The following CLUAP1 variants were observed in gnomAD, a reference collection of about 807,000 sequenced individuals.
The protein encoded by CLUAP1 is clusterin-associated protein 1.
A neutral mutation model predicts 55.0 loss-of-function variants in CLUAP1; 50 were observed. The ratio of observed to expected loss-of-function variants is 0.91; its 90% CI spans 0.72 to 1.15. The LOEUF is 1.15. Ranked by LOEUF, CLUAP1 falls within the 50% of genes most tolerant of loss-of-function variation. The probability of loss-of-function intolerance (pLI) is 0.00; values close to 1 mark genes in which losing one functional copy is unlikely to be tolerated. For synonymous variants in CLUAP1, 195 were observed against 175.4 expected (o/e 1.11, Z -0.88); for missense variants, 530 against 507.6 (o/e 1.04, Z -0.42).
intron 10 of CLUAP1, 101 bp from the exon 11 acceptor site, chr16:3,532,685 G>A (rs563284097): frequency 3.6e-5 from 46 of 1,262,746 alleles, no homozygotes; most frequent in East Asian, 1.2e-4. Flanking sequence ...GGGATTATAC[G>A]CAAAAGCCAA....
intron 4 of CLUAP1, among the ~76,000 whole-genome samples, chr16:3,508,868 G>T (rs999841456): frequency 3.3e-5 from 5 of 150,462 alleles, no homozygotes; most frequent in Non-Finnish European, 5.9e-5. Flanking sequence ...GATCAGGAAG[G>T]CCTCATGGAT....
chr16:3,522,501 A>C (rs1334203254), intron 7 of CLUAP1, among the ~76,000 whole-genome samples: 1 of 152,042 alleles, frequency 6.6e-6, no homozygotes, highest in Non-Finnish European at 1.5e-5. Context: ...ATAATAATAT[A>C]TATATTTATT....
the CLUAP1 span, chr16:3,495,646 A>C: frequency 2.0e-6 from 1 of 508,690 alleles, no homozygotes; most frequent in African/African-American, 2.1e-5. Flanking sequence ...CCCTGGGGGA[A>C]GTCCCTGGTC....
At chr16:3,520,130 C>A (rs535874380) in intron 7 of CLUAP1, 94 bp downstream of exon 7, 43 of 1,269,608 alleles carry the variant, frequency 3.4e-5, no homozygotes, top group Admixed American at 2.8e-4. Flanking sequence ...CTCAGCTACT[C>A]ATGAAGCTGG....
intron 3 of CLUAP1, among the ~76,000 whole-genome samples, chr16:3,507,888 G>T (rs1295815054): frequency 6.6e-6 from 1 of 152,032 alleles, no homozygotes; most frequent in East Asian, 1.9e-4. Context: ...CGCCTGAGTG[G>T]TATTGCTTGC....
intron 4 of CLUAP1, among the ~76,000 whole-genome samples, 193 bp from the exon 5 acceptor site, chr16:3,512,186 CAAAA>C (rs1210287851): frequency 2.5e-5 from 2 of 79,888 alleles, no homozygotes; most frequent in African/African-American, 4.3e-5. Context: ...AACTCCGTCT[CAAAA>C]AAAAAAAAAA....
At chr16:3,508,522 C>G in intron 4 of CLUAP1, 54 bp downstream of exon 4, 1 of 1,460,762 alleles carries the variant, frequency 6.8e-7, no homozygotes, top group Non-Finnish European at 9.1e-7. Context: ...TTCTTGAGCT[C>G]TGAAGTGGAA....
At chr16:3,535,262 A>C (rs2038207493) in intron 11 of CLUAP1, 1 of 152,892 alleles carries the variant, frequency 6.5e-6, no homozygotes, top group Non-Finnish European at 1.5e-5. Flanking sequence ...GGGGAACTGA[A>C]GCAGTCGTGA....
At chr16:3,511,409 A>C (rs1360984855) in intron 4 of CLUAP1, among the ~76,000 whole-genome samples, 2 of 152,170 alleles carry the variant, frequency 1.3e-5, no homozygotes, top group East Asian at 3.9e-4. Flanking sequence ...GGTTGTCATC[A>C]CCTTCCTGGC....
intron 8 of CLUAP1, among the ~76,000 whole-genome samples, chr16:3,525,270 T>G (rs13332500): frequency 0.45 from 68,385 of 151,900 alleles, 18,238 homozygotes; most frequent in African/African-American, 0.76. Flanking sequence ...TGGCCATTTT[T>G]TTGTATTATC....
At chr16:3,501,119 C>G (rs756063098) in intron 1 of CLUAP1, 30 bp downstream of exon 1, 1 of 1,575,320 alleles carries the variant, frequency 6.3e-7, no homozygotes, top group Non-Finnish European at 8.6e-7. Flanking sequence ...CTGTGACCTG[C>G]GGGTCTTCCA....
chr16:3,509,915 C>G (rs534335377), intron 4 of CLUAP1: 1 of 152,370 alleles, frequency 6.6e-6, no homozygotes, highest in Non-Finnish European at 1.5e-5. Flanking sequence ...GCGCCTCTGC[C>G]TCCCAGGTTC....
Position 3,538,020 on chromosome 16 carries a change from A to AG in CLUAP1, c.*1750dup, listed in dbSNP as rs2038269060. On this transcript the variant is annotated 3_prime_UTR_variant, in exon 12 of 12. Transcript: ENST00000576634. ...TCTCAAAAAAAAAAAAAAAAAAAAA[A>AG]GCATACAGTAAATAAAAAAGCACAA... 2.7e-5 allele frequency: 4 copies of AG among 150,476 alleles called. No homozygotes were observed. The highest frequency in any genetic ancestry group is 4.4e-5 in the Non-Finnish European group (3 of 67,658). The allele number at this position is 150,476 out of a possible 1,614,324, so 9.3% of individuals were successfully genotyped here.
upstream of CLUAP1, chr16:3,500,903 C>T: frequency 1.4e-6 from 1 of 726,144 alleles, no homozygotes; most frequent in Non-Finnish European, 2.3e-6. Context: ...CCCGCTCTCC[C>T]CGTGCGTATG....
rs1031244554 is a variant in CLUAP1, at chr16:3,515,521, A to G, written c.509A>G (p.Glu170Gly). The G allele has an allele frequency of 6.3e-7, 1 of 1,595,068 alleles. No homozygotes were observed. Among genetic ancestry groups the G allele is most frequent in the Non-Finnish European group, 8.5e-7 (1 of 1,173,898 alleles). Residue 170 changes from glutamate (E) to glycine (G), a missense_variant, in exon 6 of 12, where the codon GAA becomes GGA. Transcript: ENST00000576634. ...MEVELREMRT[E>G]AIARPLEINE... ...ACTGTTTCCTAGGAAATGAGAACAG[A>G]AGCCATTGCCAGACCTCTGGAAATA...
Position 3,532,403 on chromosome 16 carries a change from CTTTTTTTTTTTTTTTT to C in CLUAP1, c.1037-370_1037-355del, listed in dbSNP as rs58037008. On this transcript the variant is annotated intron_variant, in intron 10 of 11. Coordinates refer to ENST00000576634, the MANE Select transcript of CLUAP1 (RefSeq NM_015041.3). ...CCTGTTAATGTTTGGAGCACAGTTG[CTTTTTTTTTTTTTTTT>C]TTTTTTTTTTTTGGAGACAGAATCT... Among the ~76,000 whole-genome samples, 18 of 50,768 alleles carry C rather than the reference CTTTTTTTTTTTTTTTT, an allele frequency of 3.5e-4. No homozygotes were observed. The South Asian group carries it at 5.4e-3, about 15-fold the overall frequency. The allele number at this position is 50,768 out of a possible 152,430, so 33.3% of individuals were successfully genotyped here. A position where few individuals can be genotyped will look rare whatever the true frequency, so the allele number is the denominator to read the frequency against.
At chr16:3,496,687 C>G, upstream of CLUAP1, 1 of 533,108 alleles carries the variant, frequency 1.9e-6, no homozygotes, top group South Asian at 1.4e-5. Context: ...CCCCACACAG[C>G]CACACCAAAC....
At chr16:3,535,956 A>G (rs1018346749) in intron 11 of CLUAP1, 166 bp from the exon 12 acceptor site, 4 of 697,604 alleles carry the variant, frequency 5.7e-6, no homozygotes, top group South Asian at 3.9e-5. Context: ...CTGGCAGTAC[A>G]TAGCCTCAGT....
chr16:3,526,319 C>A, intron 8 of CLUAP1, 93 bp from the exon 9 acceptor site: 1 of 710,830 alleles, frequency 1.4e-6, no homozygotes, highest in South Asian at 3.2e-5. Flanking sequence ...TGTTCTGTAG[C>A]ACAAACTTAG....
Sources: allele counts gnomAD v4.1 joint callset (sites outside exome capture counted in the v4.1 genomes callset), GRCh38; gene constraint gnomAD v4.1.1; transcripts MANE v1.5; gene names NCBI Gene and HGNC (gene_info 2026-07-23, HGNC 2026-07-21).